ANK3: variants seen among roughly 807,000 people sequenced by gnomAD.
The protein encoded by ANK3 is ankyrin 3.
In ANK3, 57 loss-of-function variants were observed where a neutral mutation model predicts 370.9. The ratio of observed to expected loss-of-function variants is 0.15; its 90% CI spans 0.12 to 0.19. The LOEUF (loss-of-function observed/expected upper bound fraction) is 0.19, where lower values mean the gene tolerates loss of function less well. Among genes scored for constraint, ANK3 ranks in the 10% least tolerant of loss-of-function variants. ANK3 has a pLI of 1.00. For synonymous variants in ANK3, 1,929 were observed against 1,946.3 expected, an observed-to-expected ratio of 0.99 and a Z score of 0.23; for missense variants, 4,439 against 5,302.1, an observed-to-expected ratio of 0.84 and a Z score of 5.06.
intron 7 of ANK3, among the ~76,000 whole-genome samples, chr10:60,238,156 T>C (rs1416462480): frequency 6.6e-6 from 1 of 152,176 alleles, no homozygotes; most frequent in Non-Finnish European, 1.5e-5. Context: ...CTCAACGGAC[T>C]ACTCATATTT....
At chr10:60,435,188 G>A (rs1452885502) in intron 2 of ANK3, among the ~76,000 whole-genome samples, 3 of 151,948 alleles carry the variant, frequency 2.0e-5, no homozygotes, top group Non-Finnish European at 4.4e-5. Flanking sequence ...ATAGGATTAC[G>A]GGTTGAATCT....
In ANK3 at chr10:60,325,304, G is replaced by T. The variant is rs555815001; in HGVS notation, c.115-45665C>A. 4.6e-5 allele frequency among the ~76,000 whole-genome samples: 7 copies of T among 152,232 alleles called. No individual in the cohort carries two copies. The South Asian group carries it at 1.0e-3, about 23-fold the overall frequency. Reference sequence around the variant, plus strand: ...CTATACATGGTTTTCACCTCTTTCTGTGCCTGTGAGAAGATTACATCTCTC... The same window carrying T: ...CTATACATGGTTTTCACCTCTTTCTTTGCCTGTGAGAAGATTACATCTCTC... On this transcript the variant is annotated intron_variant, in intron 1 of 43. Coordinates refer to ENST00000280772, the MANE Select transcript of ANK3 (RefSeq NM_020987.5).
At chr10:60,127,465 C>T (rs2093821529) in intron 25 of ANK3, among the ~76,000 whole-genome samples, 2 of 152,146 alleles carry the variant, frequency 1.3e-5, no homozygotes, top group African/African-American at 4.8e-5. Flanking sequence ...TTTCTCCCAT[C>T]TTTGAATGAC....
At chr10:60,255,879 C>G (rs10761470) in intron 7 of ANK3, among the ~76,000 whole-genome samples, 118,173 of 152,078 alleles carry the variant, frequency 0.78, 46,030 homozygotes, top group South Asian at 0.91. Flanking sequence ...AGAAAACAGA[C>G]TTTCCTTCCT....
At chr10:60,589,234 G>A (rs957143208) in intron 2 of ANK3, among the ~76,000 whole-genome samples, 24 of 152,086 alleles carry the variant, frequency 1.6e-4, no homozygotes, top group African/African-American at 5.3e-4. Context: ...AAAGAAATTA[G>A]GTACCAGTTA....
intron 2 of ANK3, among the ~76,000 whole-genome samples, chr10:60,457,340 G>T (rs2133050992): frequency 6.6e-6 from 1 of 152,258 alleles, no homozygotes; most frequent in East Asian, 1.9e-4. Context: ...TCATAATGGA[G>T]AAAACCATTA....
chr10:60,086,265 A>G (rs1381873062), intron 30 of ANK3, among the ~76,000 whole-genome samples: 1 of 152,144 alleles, frequency 6.6e-6, no homozygotes, highest in Non-Finnish European at 1.5e-5. Flanking sequence ...GCTCTGTGGG[A>G]CATGTATTTT....
chr10:60,395,468 G>A (rs2063198220), intron 2 of ANK3, among the ~76,000 whole-genome samples: 1 of 152,164 alleles, frequency 6.6e-6, no homozygotes, highest in Admixed American at 6.5e-5. Flanking sequence ...CAAAAAGAGA[G>A]CCCGATCTGT....
At chr10:60,197,740 T>C (rs776606975) in intron 14 of ANK3, among the ~76,000 whole-genome samples, 10 of 152,242 alleles carry the variant, frequency 6.6e-5, no homozygotes, top group Non-Finnish European at 1.3e-4. Context: ...CCAATTCATC[T>C]TGCTATCACA....
intron 5 of ANK3, among the ~76,000 whole-genome samples, chr10:60,267,720 T>C (rs917918886): frequency 6.6e-6 from 1 of 152,154 alleles, no homozygotes; most frequent in Non-Finnish European, 1.5e-5. Flanking sequence ...TGGGGTTATG[T>C]TTGCTTCTAA....
chr10:60,254,651 T>C (rs1392674153), intron 7 of ANK3, among the ~76,000 whole-genome samples: 1 of 152,222 alleles, frequency 6.6e-6, no homozygotes, highest in Non-Finnish European at 1.5e-5. Context: ...GCTGCTCAAA[T>C]AAACTTGCCC....
rs200556767 is a variant in ANK3 at position 60,083,607 on chromosome 10, C to G, written c.4085G>C (p.Gly1362Ala). The G allele has an allele frequency of 6.2e-4, 985 of 1,597,806 alleles. 11 individuals carry two copies. The highest frequency in any genetic ancestry group is 6.2e-3 in the South Asian group (537 of 87,124). Residue 1362 changes from glycine to alanine, a missense_variant, in exon 33 of 44, where the codon GGA becomes GCA. Gly to Ala is a moderately conservative substitution (Grantham distance 60, BLOSUM62 0). Around this residue, in one of 13 missense-constraint regions of ANK3, gnomAD observed 702 missense variants for 941.5 expected, o/e 0.75. Coordinates refer to ENST00000280772, the MANE Select transcript of ANK3 (RefSeq NM_020987.5). ...ARSKDIEVLE[G>A]KPIYVDCYGN... is the part of the protein sequence containing the mutation. ...ATAACAATCAACATAAATAGGTTTT[C>G]CTTCCAGAACCTTTTAGAGTAAAAG...
chr10:60,170,403 C>T (rs144257497), intron 21 of ANK3, among the ~76,000 whole-genome samples: 143 of 152,302 alleles, frequency 9.4e-4, no homozygotes, highest in Middle Eastern at 3.4e-3. Flanking sequence ...ATAGACTCCA[C>T]CCTGAATTAC....
chr10:60,212,263 A>T lies in ANK3; in HGVS notation c.996+1149T>A, dbSNP rs570849893. Among the ~76,000 whole-genome samples the T allele has an allele frequency of 1.6e-4, 24 of 152,260 alleles. No individual in the cohort carries two copies. The East Asian group carries it at 4.6e-3, about 29-fold the overall frequency. ...AATGGGGATTAATGGGAGGGTTTTT[A>T]AGCAGGAGGCTGACATGATTTGGAT... is the stretch of plus-strand genomic sequence containing the variant. On this transcript the variant is annotated intron_variant, in intron 9 of 43. Transcript: ENST00000280772.
chr10:60,156,607 G>A (rs2095335883), intron 23 of ANK3, among the ~76,000 whole-genome samples: 1 of 152,214 alleles, frequency 6.6e-6, no homozygotes, highest in Non-Finnish European at 1.5e-5. Context: ...GCCAGAAAGA[G>A]AGGGAAGTGG....
Position 60,072,298 on chromosome 10 carries a change from A to G in ANK3, c.8583T>C (p.Thr2861=). 6.2e-7 allele frequency: 1 copy of G among 1,614,080 alleles called. No homozygotes were observed. Among genetic ancestry groups the G allele is most frequent in the Non-Finnish European group, 8.5e-7 (1 of 1,180,008 alleles). The part of the protein sequence containing the change: ...VFRTWESSGA[T]NNKSQKEKLS... ...GTTTTTCTTTCTGAGACTTATTGTT[A>G]GTGGCTCCCGAACTCTCCCATGTTC... Residue 2861 remains threonine, a synonymous_variant, in exon 37 of 44, where the codon ACT becomes ACC. Coordinates refer to ENST00000280772, the MANE Select transcript of ANK3 (RefSeq NM_020987.5).
At chr10:60,508,738 G>C (rs2076003145) in intron 2 of ANK3, 1 of 152,158 alleles carries the variant, frequency 6.6e-6, no homozygotes, top group South Asian at 2.1e-4. Flanking sequence ...CAAAGAAAAA[G>C]ACAAATATAA....
intron 2 of ANK3, among the ~76,000 whole-genome samples, chr10:60,603,518 C>T (rs1453023214): frequency 6.6e-6 from 1 of 152,090 alleles, no homozygotes; most frequent in African/African-American, 2.4e-5. Flanking sequence ...ACATTTACAT[C>T]AGTTTCAATG....
At chr10:60,220,719 T>C (rs2097033730) in intron 8 of ANK3, among the ~76,000 whole-genome samples, 1 of 152,186 alleles carries the variant, frequency 6.6e-6, no homozygotes. Flanking sequence ...GACTGATGTC[T>C]TGTGTCTCCC....
Sources: gnomAD v4.1 joint callset for allele counts (sites outside exome capture counted in the v4.1 genomes callset) on GRCh38, gnomAD v4.1.1 for gene constraint, gnomAD v4.1.1 regional missense constraint, MANE v1.5 for transcripts, NCBI Gene and HGNC (gene_info 2026-07-23, HGNC 2026-07-21) for gene names.